The following LRIG1 variants were observed in gnomAD, a reference collection of about 807,000 sequenced individuals.
LRIG1 encodes leucine rich repeats and immunoglobulin like domains 1, also known as leucine-rich repeats and immunoglobulin-like domains protein 1.
Under a neutral mutation model 99.2 loss-of-function variants are expected in LRIG1, and 48 were observed. That is an observed-to-expected ratio of 0.48 (90% CI 0.38 to 0.62). The LOEUF is 0.62. Among genes scored for constraint, LRIG1 ranks in the 20% least tolerant of loss-of-function variants. The pLI is 0.00. For missense variants in LRIG1, 1,646 were observed against 1,434.4 expected, an observed-to-expected ratio of 1.15 and a Z score of -2.38; for synonymous variants, 772 against 596.1, an observed-to-expected ratio of 1.29 and a Z score of -4.30.
chr3:66,425,914 T>G (rs1481052115), intron 3 of LRIG1, among the ~76,000 whole-genome samples: 1 of 152,252 alleles, frequency 6.6e-6, no homozygotes, highest in Non-Finnish European at 1.5e-5. Flanking sequence ...TTTTCAGAGC[T>G]GATGTTAAAT....
At chr3:66,491,058 G>A (rs73836308) in intron 1 of LRIG1, among the ~76,000 whole-genome samples, 3 of 152,218 alleles carry the variant, frequency 2.0e-5, no homozygotes, top group Admixed American at 1.3e-4. Context: ...TTTCAAATCT[G>A]TGTGAAGTTT....
rs548930200 is a variant in LRIG1, at chr3:66,384,063, C to T, written c.1999G>A (p.Ala667Thr). 30 of 1,613,978 alleles carry T rather than the reference C, an allele frequency of 1.9e-5. No individual in the cohort carries two copies. The highest frequency in any genetic ancestry group is 8.3e-5 in the Admixed American group (5 of 59,996). Residue 667 changes from alanine (A) to threonine (T), a missense_variant, in exon 14 of 19, where the codon GCA (alanine) becomes ACA (threonine). By Grantham distance (58) the Ala-to-Thr change is moderately conservative. Coordinates refer to ENST00000273261, the MANE Select transcript of LRIG1 (RefSeq NM_015541.3). ...TGAGCAGTACAGCTGTAAACCCCTG[C>T]GTCATCTATTTTCACATCAGTGATG... ...FFITDVKIDD[A>T]GVYSCTAQNS...
chr3:66,385,997 G>A lies in LRIG1; in HGVS notation c.1773C>T (p.Ala591=), dbSNP rs202066068. The A allele has an allele frequency of 9.3e-6, 15 of 1,614,056 alleles. No homozygotes were observed. The highest frequency in any genetic ancestry group is 2.2e-5 in the East Asian group (1 of 44,876). The change falls in exon 13 of 19, where the codon GCC becomes GCT. Residue 591 remains alanine (A), a synonymous_variant. Coordinates refer to ENST00000273261, the MANE Select transcript of LRIG1 (RefSeq NM_015541.3). ...TTTCCATACCATTCACGGTGAGCCT[G>A]GCCTTATGTGAATAGGTGGAGCCAA... ...NHFGSTYSHK[A]RLTVNVLPSF... is the part of the protein sequence containing the mutation.
intron 1 of LRIG1, among the ~76,000 whole-genome samples, chr3:66,472,161 T>G (rs984251845): frequency 1.3e-5 from 2 of 151,426 alleles, no homozygotes; most frequent in African/African-American, 4.9e-5. Flanking sequence ...AAAATTAGCC[T>G]GGCGTGGTGG....
intron 1 of LRIG1, among the ~76,000 whole-genome samples, chr3:66,487,923 T>A (rs983068716): frequency 6.6e-6 from 1 of 152,182 alleles, no homozygotes; most frequent in African/African-American, 2.4e-5. Context: ...TCCAGACCAC[T>A]AACTGTTCCT....
rs144505280 is a variant in LRIG1 at position 66,446,751 on chromosome 3, C to T, written c.365+4808G>A. ...TCACTTCTCTTCAGCTAAGAGGTCA[C>T]AGCAAAATATAGTTAAAGCCACCTC... On this transcript the variant is annotated intron_variant, in intron 3 of 18. Coordinates refer to ENST00000273261, the MANE Select transcript of LRIG1 (RefSeq NM_015541.3). 5.3e-5 allele frequency among the ~76,000 whole-genome samples: 8 copies of T among 151,858 alleles called. No individual in the cohort carries two copies. In the East Asian group the frequency reaches 1.6e-3, roughly 29 times the overall value.
At chr3:66,477,017 T>C (rs1344323835) in intron 1 of LRIG1, among the ~76,000 whole-genome samples, 1 of 152,198 alleles carries the variant, frequency 6.6e-6, no homozygotes, top group Non-Finnish European at 1.5e-5. Context: ...AATACGTCTG[T>C]TGAGTGAGAG....
chr3:66,443,067 C>T (rs550179217), intron 3 of LRIG1, among the ~76,000 whole-genome samples: 4 of 152,236 alleles, frequency 2.6e-5, no homozygotes, highest in African/African-American at 4.8e-5. Flanking sequence ...CTTTTCCCAG[C>T]GAAAGGCTTG....
intron 9 of LRIG1, chr3:66,404,356 C>G: frequency 1.6e-6 from 2 of 1,284,918 alleles, no homozygotes; most frequent in Non-Finnish European, 2.0e-6. Context: ...CAGCCGTCCT[C>G]TCTGTCTTGC....
At chr3:66,456,380 G>C (rs927082303) in intron 2 of LRIG1, among the ~76,000 whole-genome samples, 1 of 152,050 alleles carries the variant, frequency 6.6e-6, no homozygotes, top group Non-Finnish European at 1.5e-5. Flanking sequence ...CCAGTAGTTC[G>C]AGACTAGCCT....
At chr3:66,439,673 T>A (rs1703478904) in intron 3 of LRIG1, among the ~76,000 whole-genome samples, 1 of 150,960 alleles carries the variant, frequency 6.6e-6, no homozygotes, top group Non-Finnish European at 1.5e-5. Flanking sequence ...ATAAAGAGAG[T>A]TTTTTCCACC....
intron 3 of LRIG1, among the ~76,000 whole-genome samples, chr3:66,432,322 G>A (rs1024969125): frequency 6.6e-6 from 1 of 152,218 alleles, no homozygotes; most frequent in Non-Finnish European, 1.5e-5. Context: ...GCGGCCTCCA[G>A]GAAGTGGTTC....
At chr3:66,455,861 G>A (rs539418389) in intron 2 of LRIG1, among the ~76,000 whole-genome samples, 19 of 152,308 alleles carry the variant, frequency 1.2e-4, no homozygotes, top group Middle Eastern at 6.8e-3. Context: ...TTATTTTAGC[G>A]TAGGATATAA....
At position 66,382,187 on chromosome 3, in the gene LRIG1, C is replaced by G. The variant is rs1215964656; in HGVS notation, c.2617+86G>C. 1.5e-5 allele frequency: 23 copies of G among 1,519,606 alleles called. No homozygotes were observed. The East Asian group carries it at 5.2e-4, about 34-fold the overall frequency. The allele number at this position is 1,519,606 out of a possible 1,614,324, so 94.1% of individuals were successfully genotyped here. A position where few individuals can be genotyped will look rare whatever the true frequency, so the allele number is the denominator to read the frequency against. On this transcript the variant is annotated intron_variant, in intron 16 of 18. Transcript: ENST00000273261. ...GTTTGCCCCATCTAATGCCAGGTAC[C>G]TGCCCTGTAAAGACCTGGAGGCCAC...
Position 66,500,563 on chromosome 3 carries a change from C to A in LRIG1, c.-156G>T. ...GTTCTCTCTGCGGCCGCGGCTCCGG[C>A]ACTCAGCGTGCCCCCGGTGCCCGGG... On this transcript the variant is annotated 5_prime_UTR_variant, in exon 1 of 19. Coordinates refer to ENST00000273261, the MANE Select transcript of LRIG1 (RefSeq NM_015541.3). 1 of 401,054 alleles carries A rather than the reference C, an allele frequency of 2.5e-6. No homozygotes were observed. Among genetic ancestry groups the A allele is most frequent in the Non-Finnish European group, 4.3e-6 (1 of 235,260 alleles). The allele number at this position is 401,054 out of a possible 1,614,324, so 24.8% of individuals were successfully genotyped here. A position where few individuals can be genotyped will look rare whatever the true frequency, so the allele number is the denominator to read the frequency against.
intron 1 of LRIG1, among the ~76,000 whole-genome samples, chr3:66,473,624 G>C (rs750165803): frequency 6.6e-6 from 1 of 152,192 alleles, no homozygotes; most frequent in Non-Finnish European, 1.5e-5. Context: ...AAACAATGCA[G>C]ATCATACAAA....
At chr3:66,407,872 C>T (rs1702331139) in intron 7 of LRIG1, among the ~76,000 whole-genome samples, 1 of 152,216 alleles carries the variant, frequency 6.6e-6, no homozygotes, top group African/African-American at 2.4e-5. Context: ...ATAGCAGAAG[C>T]CTGGGATTCT....
At chr3:66,437,872 C>G (rs1703411118) in intron 3 of LRIG1, among the ~76,000 whole-genome samples, 1 of 152,082 alleles carries the variant, frequency 6.6e-6, no homozygotes. Flanking sequence ...CAAAATGAAG[C>G]AGGTACAGGA....
chr3:66,489,591 C>A (rs956426788), intron 1 of LRIG1, among the ~76,000 whole-genome samples: 3 of 150,218 alleles, frequency 2.0e-5, no homozygotes, highest in African/African-American at 7.5e-5. Context: ...GTTTAAGTAT[C>A]CTAGATACAG....
Sources: allele counts gnomAD v4.1 joint callset (sites outside exome capture counted in the v4.1 genomes callset), GRCh38; gene constraint gnomAD v4.1.1; transcripts MANE v1.5; gene names NCBI Gene and HGNC (gene_info 2026-07-23, HGNC 2026-07-21).